Variants in SUPT3H observed in about 807,000 individuals in gnomAD.
SUPT3H encodes transcription initiation protein SPT3 homolog.
In SUPT3H, 44 loss-of-function variants were observed where a neutral mutation model predicts 44.3. That is an observed-to-expected ratio of 0.99 (90% CI 0.78 to 1.28). The LOEUF (loss-of-function observed/expected upper bound fraction) is 1.28, where lower values mean the gene tolerates loss of function less well. Among genes scored for constraint, SUPT3H ranks in the 50% most tolerant of loss-of-function variants. The pLI, the probability that SUPT3H is intolerant of heterozygous loss-of-function variation, is 0.00. For synonymous variants in SUPT3H, 124 were observed against 125.6 expected, an observed-to-expected ratio of 0.99 and a Z score of 0.09; for missense variants, 380 against 387.1, an observed-to-expected ratio of 0.98 and a Z score of 0.15.
chr6:45,158,424 A>T (rs2153599956), intron 2 of SUPT3H, among the ~76,000 whole-genome samples: 1 of 150,218 alleles, frequency 6.7e-6, no homozygotes, highest in South Asian at 2.1e-4. Flanking sequence ...TAGTGTCCAG[A>T]AGGAAGCATA....
chr6:44,912,407 G>A (rs1271583182), intron 10 of SUPT3H, among the ~76,000 whole-genome samples: 2 of 152,166 alleles, frequency 1.3e-5, no homozygotes, highest in African/African-American at 4.8e-5. Context: ...GCACGTATCA[G>A]AACCTCACTC....
chr6:44,961,040 G>C (rs1006765032), intron 7 of SUPT3H, among the ~76,000 whole-genome samples: 1 of 151,902 alleles, frequency 6.6e-6, no homozygotes. Flanking sequence ...TCATATTTTT[G>C]ACTGGACTTT....
intron 7 of SUPT3H, among the ~76,000 whole-genome samples, chr6:44,957,695 A>G (rs137963567): frequency 5.9e-5 from 9 of 152,306 alleles, no homozygotes; most frequent in Middle Eastern, 3.4e-3. Context: ...CAAGGACCAT[A>G]TATCTCCAAC....
At chr6:44,892,536 A>G (rs1158063124) in intron 10 of SUPT3H, among the ~76,000 whole-genome samples, 1 of 152,192 alleles carries the variant, frequency 6.6e-6, no homozygotes, top group Non-Finnish European at 1.5e-5. Flanking sequence ...GCTAACTAAG[A>G]CAAAGTCTAC....
At chr6:45,236,952 G>A (rs1769282922) in intron 2 of SUPT3H, among the ~76,000 whole-genome samples, 1 of 152,152 alleles carries the variant, frequency 6.6e-6, no homozygotes, top group Admixed American at 6.5e-5. Flanking sequence ...TAAAAGGAGT[G>A]CAAGTACAAA....
At chr6:45,302,514 AATATATATATATATATATAT>A (rs10524207) in intron 2 of SUPT3H, among the ~76,000 whole-genome samples, 1,168 of 105,318 alleles carry the variant, frequency 0.011, 21 homozygotes, top group Middle Eastern at 0.023. Context: ...GTATCTCAGG[AATATATATATATATATATAT>A]ATATATATAT....
intron 10 of SUPT3H, among the ~76,000 whole-genome samples, chr6:44,888,237 AAG>A (rs1385489887): frequency 6.6e-6 from 1 of 152,180 alleles, no homozygotes; most frequent in East Asian, 1.9e-4. Flanking sequence ...TCAACAGAAA[AAG>A]AGGGAATCCT....
chr6:45,128,646 G>A (rs1802927707), intron 2 of SUPT3H, among the ~76,000 whole-genome samples: 1 of 138,030 alleles, frequency 7.2e-6, no homozygotes, highest in Non-Finnish European at 1.5e-5. Context: ...TTATCCACAA[G>A]AGTCCAGTCT....
chr6:45,186,341 T>C (rs1358272941), intron 2 of SUPT3H, among the ~76,000 whole-genome samples: 1 of 152,070 alleles, frequency 6.6e-6, no homozygotes, highest in Non-Finnish European at 1.5e-5. Flanking sequence ...ATGAATCAAA[T>C]GTTTAAATTA....
intron 2 of SUPT3H, among the ~76,000 whole-genome samples, chr6:45,127,037 T>C (rs1802544999): frequency 6.6e-6 from 1 of 152,180 alleles, no homozygotes; most frequent in Non-Finnish European, 1.5e-5. Context: ...AACTATGGGC[T>C]GGGCACAGTG....
intron 9 of SUPT3H, among the ~76,000 whole-genome samples, chr6:44,936,573 A>C (rs1353769970): frequency 6.6e-6 from 1 of 152,130 alleles, no homozygotes; most frequent in Non-Finnish European, 1.5e-5. Context: ...CTCACTTATA[A>C]GTAAGAACAT....
intron 3 of SUPT3H, among the ~76,000 whole-genome samples, chr6:45,075,995 T>A (rs1344038698): frequency 1.3e-5 from 2 of 152,166 alleles, no homozygotes; most frequent in Non-Finnish European, 2.9e-5. Flanking sequence ...AATGGCCTGT[T>A]ACATGTTTAG....
chr6:45,135,903 C>A (rs1176256758), intron 2 of SUPT3H, among the ~76,000 whole-genome samples: 1 of 152,168 alleles, frequency 6.6e-6, no homozygotes, highest in African/African-American at 2.4e-5. Flanking sequence ...GGAGGTGATT[C>A]ATCCATATGG....
rs750014482 is a variant in SUPT3H, at chr6:45,000,404, G to C, written c.504+3249C>G. ...AATGGTAGAAAGACTTCAAAAACAG[G>C]AGATGGACAACTTCTACAGGCATCC... On this transcript the variant is annotated intron_variant, in intron 6 of 10. Coordinates refer to ENST00000371459, the MANE Select transcript of SUPT3H (RefSeq NM_003599.4). Among the ~76,000 whole-genome samples the C allele has an allele frequency of 5.5e-4, 84 of 152,002 alleles. 1 individual carries two copies. Among genetic ancestry groups the C allele is most frequent in the Non-Finnish European group, 1.0e-3 (71 of 67,938 alleles).
Position 45,325,471 on chromosome 6 carries a change from G to C in SUPT3H, c.101+39730C>G, listed in dbSNP as rs763709052. Among the ~76,000 whole-genome samples the C allele has an allele frequency of 9.3e-4, 142 of 151,900 alleles. 1 individual carries two copies. The highest frequency in any genetic ancestry group is 3.4e-3 in the Middle Eastern group (1 of 294). ...TCACTACAAAGCAATGGAGAAGCAA[G>C]ATACCAACAACTTTTTTTCTTTGAA... On this transcript the variant is annotated intron_variant, in intron 2 of 10. Coordinates refer to ENST00000371459, the MANE Select transcript of SUPT3H (RefSeq NM_003599.4).
intron 2 of SUPT3H, among the ~76,000 whole-genome samples, chr6:45,158,290 A>ATTTTTTTTTTTTTTTTTTT (rs1562572907): frequency 2.5e-5 from 1 of 39,788 alleles, no homozygotes; most frequent in Non-Finnish European, 5.4e-5. Flanking sequence ...ATATATATAT[A>ATTTTTTTTTTTTTTTTTTT]TATATATATT....
intron 3 of SUPT3H, among the ~76,000 whole-genome samples, chr6:45,093,324 G>A (rs1300540656): frequency 6.6e-6 from 1 of 151,942 alleles, no homozygotes; most frequent in Non-Finnish European, 1.5e-5. Context: ...CTGGAAAATG[G>A]CCTATATATA....
chr6:44,931,202 C>A (rs947030012), intron 10 of SUPT3H, among the ~76,000 whole-genome samples: 6 of 152,300 alleles, frequency 3.9e-5, no homozygotes, highest in Middle Eastern at 3.4e-3. Flanking sequence ...CTTTTAGTTA[C>A]CATTTTAGGT....
chr6:45,147,854 A>C (rs71566522), intron 2 of SUPT3H, among the ~76,000 whole-genome samples: 1 of 152,156 alleles, frequency 6.6e-6, no homozygotes, highest in South Asian at 2.1e-4. Flanking sequence ...AAAGATTAAG[A>C]CAATGAATGT....
Sources: gnomAD v4.1 joint callset for allele counts (sites outside exome capture counted in the v4.1 genomes callset) on GRCh38, gnomAD v4.1.1 for gene constraint, MANE v1.5 for transcripts, NCBI Gene and HGNC (gene_info 2026-07-23, HGNC 2026-07-21) for gene names.